Variants in ZNF487 observed in about 807,000 individuals in gnomAD.
ZNF487 encodes zinc finger protein 487, also known as KRAB domain only 1.
In ZNF487, 4 loss-of-function variants were observed where a neutral mutation model predicts 3.0. The observed-to-expected ratio is 1.35, with a 90% CI of 0.66 to 3.08. The LOEUF (loss-of-function observed/expected upper bound fraction) is 3.08. Ranked by LOEUF, ZNF487 falls within the 30% of genes most tolerant of loss-of-function variation. ZNF487 has a pLI of 0.01. For missense variants in ZNF487, 146 were observed against 98.7 expected (o/e 1.48, Z -2.03); for synonymous variants, 55 against 34.6 (o/e 1.59, Z -2.06).
chr10:43,473,109 C>CTT (rs367584724), intron 1 of ZNF487, among the ~76,000 whole-genome samples: 21 of 134,708 alleles, frequency 1.6e-4, no homozygotes, highest in Middle Eastern at 3.8e-3. Flanking sequence ...TATTAGGACA[C>CTT]TTTTTTTTTT....
intron 1 of ZNF487, chr10:43,454,053 C>T (rs1162559948): frequency 6.6e-5 from 10 of 151,834 alleles, no homozygotes; most frequent in African/African-American, 9.7e-5. Context: ...TTTATCTTTT[C>T]TTTTTTTTAA....
chr10:43,450,477 T>C (rs1379403417), intron 1 of ZNF487, among the ~76,000 whole-genome samples: 4 of 152,130 alleles, frequency 2.6e-5, no homozygotes, highest in Admixed American at 2.0e-4. Context: ...CTCAGCCTCC[T>C]GAGTATCTGG....
chr10:43,517,769 T>C, the ZNF487 span, among the ~76,000 whole-genome samples: 2 of 152,206 alleles, frequency 1.3e-5, no homozygotes, highest in African/African-American at 4.8e-5. Context: ...CCGAGCCCTC[T>C]GGCATACTCC....
At chr10:43,462,716 A>G (rs1296180862) in intron 1 of ZNF487, among the ~76,000 whole-genome samples, 1 of 150,460 alleles carries the variant, frequency 6.6e-6, no homozygotes, top group Non-Finnish European at 1.5e-5. Flanking sequence ...AGCTTCTTGA[A>G]GTGCTGGGAT....
At chr10:43,489,101 A>G in the ZNF487 span, among the ~76,000 whole-genome samples, 21 of 152,202 alleles carry the variant, frequency 1.4e-4, no homozygotes, top group Non-Finnish European at 2.2e-4. Context: ...CCCTGGCTCA[A>G]AAAGAAAAAC....
At chr10:43,498,093 A>ATTTTTTTTT in the ZNF487 span, among the ~76,000 whole-genome samples, 1 of 13,268 alleles carries the variant, frequency 7.5e-5, no homozygotes, top group Non-Finnish European at 1.4e-4. Context: ...ATATATATAT[A>ATTTTTTTTT]TATATATTTT....
chr10:43,473,651 T>C (rs1348021663), intron 1 of ZNF487, among the ~76,000 whole-genome samples: 1 of 152,092 alleles, frequency 6.6e-6, no homozygotes, highest in Non-Finnish European at 1.5e-5. Context: ...CCTGAGTAGC[T>C]GGGATTACAG....
chr10:43,444,458 C>T (rs1372714664), intron 1 of ZNF487, among the ~76,000 whole-genome samples: 1 of 152,128 alleles, frequency 6.6e-6, no homozygotes, highest in Non-Finnish European at 1.5e-5. Flanking sequence ...GTACCCTGAA[C>T]TGGAAGTGTT....
chr10:43,479,112 C>CATAT (rs1471577225), intron 3 of ZNF487, among the ~76,000 whole-genome samples: 6 of 73,538 alleles, frequency 8.2e-5, no homozygotes, highest in Non-Finnish European at 2.0e-4. Flanking sequence ...CATATATACA[C>CATAT]ATATATATGT....
At chr10:43,480,052 T>G (rs1311112265) in intron 3 of ZNF487, among the ~76,000 whole-genome samples, 2 of 149,530 alleles carry the variant, frequency 1.3e-5, no homozygotes, top group East Asian at 3.9e-4. Context: ...TCTTTTTCTT[T>G]CTTTCTTCCT....
chr10:43,487,929 CAAAAAAAAA>C (rs76705594), downstream of ZNF487, among the ~76,000 whole-genome samples: 168 of 40,448 alleles, frequency 4.2e-3, no homozygotes, highest in Middle Eastern at 0.022. Context: ...TACCAAAATA[CAAAAAAAAA>C]AAAAAAAAAA....
At chr10:43,502,058 A>T in the ZNF487 span, among the ~76,000 whole-genome samples, 1 of 151,944 alleles carries the variant, frequency 6.6e-6, no homozygotes, top group African/African-American at 2.4e-5. Context: ...ATTATAAATC[A>T]TGCTGCTATA....
the ZNF487 span, among the ~76,000 whole-genome samples, chr10:43,517,143 C>A: frequency 3.3e-5 from 5 of 152,226 alleles, no homozygotes; most frequent in African/African-American, 1.2e-4. Flanking sequence ...AAAAGGAGCA[C>A]ACAAAAAGTG....
At chr10:43,449,167 C>T (rs1407456960) in intron 1 of ZNF487, among the ~76,000 whole-genome samples, 2 of 151,992 alleles carry the variant, frequency 1.3e-5, no homozygotes, top group Non-Finnish European at 2.9e-5. Flanking sequence ...GGCATGGCGG[C>T]GTGGGCCTGT....
At chr10:43,523,703 G>A in the ZNF487 span, 1 of 152,542 alleles carries the variant, frequency 6.6e-6, no homozygotes, top group Non-Finnish European at 1.5e-5. Context: ...GTACCCATAA[G>A]AGAGTGTGCT....
chr10:43,496,642 T>C, the ZNF487 span, among the ~76,000 whole-genome samples: 2 of 152,204 alleles, frequency 1.3e-5, no homozygotes, highest in Non-Finnish European at 2.9e-5. Flanking sequence ...CATTTATTTA[T>C]TTATTTTTTG....
At chr10:43,488,348 A>G in the ZNF487 span, among the ~76,000 whole-genome samples, 2 of 152,194 alleles carry the variant, frequency 1.3e-5, no homozygotes, top group Non-Finnish European at 2.9e-5. Context: ...ACTAAACTGA[A>G]AATAATTATG....
chr10:43,450,473 C>T (rs988129643), intron 1 of ZNF487, among the ~76,000 whole-genome samples: 7 of 152,270 alleles, frequency 4.6e-5, no homozygotes, highest in Admixed American at 6.5e-5. Flanking sequence ...CTGCCTCAGC[C>T]TCCTGAGTAT....
chr10:43,467,169 C>T (rs756772127), intron 1 of ZNF487, among the ~76,000 whole-genome samples: 60 of 151,856 alleles, frequency 4.0e-4, no homozygotes, highest in Non-Finnish European at 5.3e-4. Flanking sequence ...GCCGCCGCAC[C>T]CGGCCAAGGA....
Sources: allele counts gnomAD v4.1 joint callset (sites outside exome capture counted in the v4.1 genomes callset), GRCh38; gene constraint gnomAD v4.1.1; transcripts MANE v1.5; gene names NCBI Gene and HGNC (gene_info 2026-07-23, HGNC 2026-07-21).